Variants in ADGRL2 observed in about 807,000 individuals in gnomAD.
ADGRL2 encodes the protein calcium-independent alpha-latrotoxin receptor 2.
A neutral mutation model predicts 157.4 loss-of-function variants in ADGRL2; 44 were observed. The ratio of observed to expected loss-of-function variants is 0.28; its 90% CI spans 0.22 to 0.36. The LOEUF (loss-of-function observed/expected upper bound fraction) is 0.36, where lower values mean the gene tolerates loss of function less well. Ranked by LOEUF, ADGRL2 falls within the 10% of genes least tolerant of loss-of-function variation. ADGRL2 has a pLI of 1.00. For missense variants in ADGRL2, 1,510 were observed against 1,768.9 expected, an observed-to-expected ratio of 0.85 and a Z score of 2.63; for synonymous variants, 585 against 624.7, an observed-to-expected ratio of 0.94 and a Z score of 0.95.
chr1:81,377,639 A>T (rs1223520575), intron 1 of ADGRL2, among the ~76,000 whole-genome samples: 2 of 152,090 alleles, frequency 1.3e-5, no homozygotes, highest in Non-Finnish European at 2.9e-5. Flanking sequence ...GCCCACATCC[A>T]GGTTGATTGT....
chr1:81,643,600 TC>T (rs1408383621), intron 3 of ADGRL2, among the ~76,000 whole-genome samples: 1 of 151,974 alleles, frequency 6.6e-6, no homozygotes, highest in Non-Finnish European at 1.5e-5. Flanking sequence ...TAAGCCACCA[TC>T]CCCAGCCACA....
chr1:81,937,996 A>G (rs2095334815), intron 4 of ADGRL2, among the ~76,000 whole-genome samples: 1 of 151,788 alleles, frequency 6.6e-6, no homozygotes, highest in South Asian at 2.1e-4. Context: ...TTTTTGTGTT[A>G]TCAGTTAAAG....
At chr1:81,807,918 A>G (rs1017251419) in intron 1 of ADGRL2, among the ~76,000 whole-genome samples, 5 of 151,734 alleles carry the variant, frequency 3.3e-5, no homozygotes, top group African/African-American at 1.2e-4. Context: ...ATTTTTTGAT[A>G]TATTCTTATC....
At chr1:81,482,882 T>C (rs2078419766) in intron 2 of ADGRL2, among the ~76,000 whole-genome samples, 1 of 151,842 alleles carries the variant, frequency 6.6e-6, no homozygotes, top group Non-Finnish European at 1.5e-5. Flanking sequence ...CCTTATATTT[T>C]ACAGTGAGCA....
At chr1:81,690,123 TG>T (rs1373745349) in intron 3 of ADGRL2, among the ~76,000 whole-genome samples, 10 of 152,218 alleles carry the variant, frequency 6.6e-5, no homozygotes, top group Non-Finnish European at 5.9e-5. Context: ...TATTTTTCAC[TG>T]TAACCCATAC....
intron 2 of ADGRL2, among the ~76,000 whole-genome samples, chr1:81,501,146 T>C (rs989120378): frequency 2.6e-5 from 4 of 152,248 alleles, no homozygotes; most frequent in Non-Finnish European, 4.4e-5. Context: ...CAATGTTAAT[T>C]GTTTAAGGAT....
At chr1:81,780,108 T>C (rs934355777) in intron 2 of ADGRL2, among the ~76,000 whole-genome samples, 7 of 152,194 alleles carry the variant, frequency 4.6e-5, no homozygotes, top group Non-Finnish European at 1.0e-4. Context: ...TTCGTCTAGA[T>C]TTTTATCCAG....
intron 3 of ADGRL2, among the ~76,000 whole-genome samples, chr1:81,622,867 A>G (rs1191991576): frequency 2.6e-5 from 4 of 152,314 alleles, no homozygotes; most frequent in Non-Finnish European, 5.9e-5. Flanking sequence ...TTCTGACATG[A>G]TATTTCATTT....
intron 3 of ADGRL2, among the ~76,000 whole-genome samples, chr1:81,911,798 A>G (rs1210192709): frequency 3.3e-5 from 5 of 152,138 alleles, no homozygotes; most frequent in African/African-American, 1.2e-4. Context: ...CGTGTGAGGA[A>G]GACGGTGAAA....
At chr1:81,368,747 C>A (rs1265426869) in intron 1 of ADGRL2, among the ~76,000 whole-genome samples, 9 of 152,178 alleles carry the variant, frequency 5.9e-5, no homozygotes, top group Non-Finnish European at 1.2e-4. Flanking sequence ...TACCTCTATG[C>A]TGGCTGACTG....
intron 2 of ADGRL2, among the ~76,000 whole-genome samples, chr1:81,896,653 A>G (rs2094395147): frequency 6.6e-6 from 1 of 152,158 alleles, no homozygotes; most frequent in African/African-American, 2.4e-5. Context: ...TATGTTTAAC[A>G]TCTTCTGGTA....
intron 2 of ADGRL2, among the ~76,000 whole-genome samples, chr1:81,487,068 A>G (rs1275201561): frequency 1.4e-5 from 2 of 145,486 alleles, no homozygotes; most frequent in Non-Finnish European, 3.0e-5. Context: ...CAGCCTGGGC[A>G]ACATAGGGAG....
chr1:81,398,019 T>C (rs2076687916), intron 1 of ADGRL2, among the ~76,000 whole-genome samples: 1 of 152,200 alleles, frequency 6.6e-6, no homozygotes, highest in Non-Finnish European at 1.5e-5. Flanking sequence ...TATATTTTTG[T>C]AATTGTTATA....
upstream of ADGRL2, among the ~76,000 whole-genome samples, chr1:81,796,561 A>G (rs1174856747): frequency 1.3e-5 from 2 of 152,214 alleles, no homozygotes; most frequent in Non-Finnish European, 2.9e-5. Flanking sequence ...ATAATTATGA[A>G]GAATATCGTT....
chr1:81,878,410 A>G (rs539129513), intron 2 of ADGRL2, among the ~76,000 whole-genome samples: 1 of 152,302 alleles, frequency 6.6e-6, no homozygotes, highest in East Asian at 1.9e-4. Flanking sequence ...TATACTATCA[A>G]TGCATGTTTT....
At chr1:81,436,018 C>A (rs2077402972) in intron 1 of ADGRL2, among the ~76,000 whole-genome samples, 1 of 152,138 alleles carries the variant, frequency 6.6e-6, no homozygotes, top group Non-Finnish European at 1.5e-5. Context: ...TCACTTGAAT[C>A]TGGGAGGCAG....
At chr1:81,863,072 A>G (rs944639877) in intron 2 of ADGRL2, among the ~76,000 whole-genome samples, 1 of 152,128 alleles carries the variant, frequency 6.6e-6, no homozygotes, top group African/African-American at 2.4e-5. Context: ...GTTTTTAAAA[A>G]TTTTATGGGG....
intron 2 of ADGRL2, among the ~76,000 whole-genome samples, chr1:81,496,377 A>T (rs1351160216): frequency 6.6e-6 from 1 of 150,388 alleles, no homozygotes; most frequent in Non-Finnish European, 1.5e-5. Context: ...TTAGCAAAAA[A>T]GGGGGAGAAA....
intron 3 of ADGRL2, among the ~76,000 whole-genome samples, chr1:81,936,410 G>A (rs1453676542): frequency 6.6e-6 from 1 of 151,698 alleles, no homozygotes; most frequent in Non-Finnish European, 1.5e-5. Flanking sequence ...TAAGATATTT[G>A]TTGTTGATCT....
Sources: allele counts gnomAD v4.1 joint callset (sites outside exome capture counted in the v4.1 genomes callset), GRCh38; gene constraint gnomAD v4.1.1; transcripts MANE v1.5; gene names NCBI Gene and HGNC (gene_info 2026-07-23, HGNC 2026-07-21).